Variants in SLC9A9 observed in about 807,000 individuals in gnomAD.
SLC9A9 encodes the protein solute carrier family 9 member A9, also known as sodium/hydrogen exchanger 9.
In SLC9A9, 62 loss-of-function variants were observed where a neutral mutation model predicts 77.8. The ratio of observed to expected loss-of-function variants is 0.80; its 90% CI spans 0.65 to 0.98. The LOEUF (loss-of-function observed/expected upper bound fraction) is 0.98, where lower values mean the gene tolerates loss of function less well. Ranked by LOEUF, SLC9A9 falls within the 50% of genes least tolerant of loss-of-function variation. The pLI, the probability that SLC9A9 is intolerant of heterozygous loss-of-function variation, is 0.00. For synonymous variants in SLC9A9, 320 were observed against 283.5 expected (o/e 1.13, Z -1.29); for missense variants, 775 against 774.9 (o/e 1.00, Z 0.00).
Position 143,771,745 on chromosome 3 carries a change from G to C in SLC9A9, c.533+23256C>G, listed in dbSNP as rs564549793. Among the ~76,000 whole-genome samples the C allele has an allele frequency of 5.8e-4, 89 of 152,292 alleles. 1 individual carries two copies. The highest frequency in any genetic ancestry group is 2.2e-3 in the Admixed American group (34 of 15,288). ...GCTGTTGTCCCTCGTCACCTTTCTTGCTGGGAAAGGAATGGAGCCCTCCCA... is the reference window on the plus strand; with the variant it reads ...GCTGTTGTCCCTCGTCACCTTTCTTCCTGGGAAAGGAATGGAGCCCTCCCA... On this transcript the variant is annotated intron_variant, in intron 4 of 15. Coordinates refer to ENST00000316549, the MANE Select transcript of SLC9A9 (RefSeq NM_173653.4).
chr3:143,441,837 TCCA>T (rs200500648), intron 12 of SLC9A9, among the ~76,000 whole-genome samples: 22,157 of 136,764 alleles, frequency 0.16, 2,095 homozygotes, highest in Non-Finnish European at 0.21. Flanking sequence ...TACTCATTCA[TCCA>T]TCCATCCATC....
intron 4 of SLC9A9, among the ~76,000 whole-genome samples, chr3:143,791,745 A>C (rs112992719): frequency 6.6e-6 from 1 of 152,290 alleles, no homozygotes; most frequent in African/African-American, 2.4e-5. Context: ...TCTAACTTCT[A>C]TTCTGAATCT....
At chr3:143,774,665 A>G (rs1364992443) in intron 4 of SLC9A9, among the ~76,000 whole-genome samples, 1 of 151,452 alleles carries the variant, frequency 6.6e-6, no homozygotes, top group African/African-American at 2.4e-5. Context: ...TAACAAGGAA[A>G]AAAGTAAGAT....
chr3:143,707,955 AG>A (rs2108794155), intron 4 of SLC9A9, among the ~76,000 whole-genome samples: 1 of 152,264 alleles, frequency 6.6e-6, no homozygotes, highest in South Asian at 2.1e-4. Context: ...CCTTCCTAGA[AG>A]CACTCACTCA....
intron 14 of SLC9A9, among the ~76,000 whole-genome samples, chr3:143,322,804 T>C (rs2031463065): frequency 6.6e-6 from 1 of 152,220 alleles, no homozygotes; most frequent in African/African-American, 2.4e-5. Flanking sequence ...TTCACACAAC[T>C]GTAATCATAA....
intron 12 of SLC9A9, 128 bp downstream of exon 12, chr3:143,466,909 T>C (rs951668591): frequency 2.4e-5 from 29 of 1,195,676 alleles, no homozygotes; most frequent in Non-Finnish European, 3.5e-5. Flanking sequence ...TGAGTGAAGG[T>C]CAACTTGACT....
At chr3:143,653,090 G>T (rs985887777) in intron 5 of SLC9A9, among the ~76,000 whole-genome samples, 3 of 152,136 alleles carry the variant, frequency 2.0e-5, no homozygotes, top group Non-Finnish European at 4.4e-5. Context: ...TGTTGCAATG[G>T]CCTACTCCTG....
chr3:143,467,422 G>C (rs945634529), intron 11 of SLC9A9, among the ~76,000 whole-genome samples: 2 of 152,098 alleles, frequency 1.3e-5, no homozygotes, highest in Admixed American at 6.6e-5. Context: ...ATGTCAACCA[G>C]AATATTGACA....
intron 5 of SLC9A9, among the ~76,000 whole-genome samples, chr3:143,660,390 G>A (rs183120036): frequency 5.0e-4 from 76 of 152,330 alleles, no homozygotes; most frequent in Admixed American, 1.1e-3. Flanking sequence ...TTGGAGCCAA[G>A]CATGACCTCA....
At chr3:143,470,837 C>T (rs2108572344) in intron 11 of SLC9A9, among the ~76,000 whole-genome samples, 1 of 152,266 alleles carries the variant, frequency 6.6e-6, no homozygotes, top group African/African-American at 2.4e-5. Flanking sequence ...GGCAACTATG[C>T]TCTTAAATCT....
chr3:143,450,484 G>T lies in SLC9A9; in HGVS notation c.1469+16553C>A, dbSNP rs530865585. 4.0e-5 allele frequency among the ~76,000 whole-genome samples: 6 copies of T among 151,862 alleles called. No homozygotes were observed. In the East Asian group the frequency reaches 1.2e-3, roughly 29 times the overall value. ...AAGTGTTAATAATAATTATCTCTGTGTGAAAGGACTTCAGGTGAATTTTAT... is the reference window on the plus strand; with the variant it reads ...AAGTGTTAATAATAATTATCTCTGTTTGAAAGGACTTCAGGTGAATTTTAT... On this transcript the variant is annotated intron_variant, in intron 12 of 15. Coordinates refer to ENST00000316549, the MANE Select transcript of SLC9A9 (RefSeq NM_173653.4).
chr3:143,587,899 A>G (rs1373653730), intron 6 of SLC9A9, among the ~76,000 whole-genome samples: 1 of 152,222 alleles, frequency 6.6e-6, no homozygotes, highest in Non-Finnish European at 1.5e-5. Context: ...GAAGTATGGG[A>G]GTTCAAAGTA....
intron 14 of SLC9A9, among the ~76,000 whole-genome samples, chr3:143,293,895 T>C (rs1408787940): frequency 1.3e-5 from 2 of 152,200 alleles, no homozygotes; most frequent in East Asian, 1.9e-4. Context: ...AAAGTATTCA[T>C]TGTTAAAACC....
chr3:143,481,945 C>A (rs1016908497), intron 11 of SLC9A9, among the ~76,000 whole-genome samples: 3 of 152,168 alleles, frequency 2.0e-5, no homozygotes, highest in Non-Finnish European at 2.9e-5. Flanking sequence ...TTCTGGCTGT[C>A]ATTGATGTCT....
chr3:143,664,159 G>A (rs571124031), intron 5 of SLC9A9, among the ~76,000 whole-genome samples: 31 of 152,352 alleles, frequency 2.0e-4, no homozygotes, highest in Non-Finnish European at 3.7e-4. Flanking sequence ...AGCCAGAATA[G>A]AGTGGGGGCC....
At chr3:143,616,202 A>T (rs148727762) in intron 6 of SLC9A9, among the ~76,000 whole-genome samples, 2 of 152,296 alleles carry the variant, frequency 1.3e-5, no homozygotes, top group African/African-American at 4.8e-5. Flanking sequence ...TATTCTTTAC[A>T]GTACAATATT....
intron 5 of SLC9A9, 119 bp downstream of exon 5, chr3:143,693,073 T>C (rs111963491): frequency 1.2e-5 from 9 of 733,072 alleles, no homozygotes; most frequent in South Asian, 3.5e-5. Context: ...ATATGTCAAC[T>C]GCAGGTGAAG....
At chr3:143,794,362 G>A (rs1406308091) in intron 4 of SLC9A9, among the ~76,000 whole-genome samples, 6 of 151,922 alleles carry the variant, frequency 3.9e-5, no homozygotes, top group African/African-American at 1.2e-4. Context: ...TGTATTGGAC[G>A]GGATTATCAG....
Position 143,530,833 on chromosome 3 carries a change from C to T in SLC9A9, c.1089+21529G>A, listed in dbSNP as rs569124508. Among the ~76,000 whole-genome samples, 5 of 152,288 alleles carry T rather than the reference C, an allele frequency of 3.3e-5. No individual in the cohort carries two copies. In the East Asian group the frequency reaches 9.6e-4, roughly 29 times the overall value. ...TATTGGTGGCTACTCTAACTGAATT[C>T]ATTGAAAAATTGCCATAATGTGATT... On this transcript the variant is annotated intron_variant, in intron 9 of 15. Transcript: ENST00000316549.
Sources: gnomAD v4.1 joint callset for allele counts (sites outside exome capture counted in the v4.1 genomes callset) on GRCh38, gnomAD v4.1.1 for gene constraint, MANE v1.5 for transcripts, NCBI Gene and HGNC (gene_info 2026-07-23, HGNC 2026-07-21) for gene names.